TYROBP: variants seen among roughly 807,000 people sequenced by gnomAD.
TYROBP encodes TYRO protein tyrosine kinase-binding protein.
In TYROBP, 14 loss-of-function variants were observed where a neutral mutation model predicts 17.1. The ratio of observed to expected loss-of-function variants is 0.82; its 90% CI spans 0.54 to 1.28. The LOEUF is 1.28. Among genes scored for constraint, TYROBP ranks in the 50% most tolerant of loss-of-function variants. The pLI, the probability that TYROBP is intolerant of heterozygous loss-of-function variation, is 0.00. For missense variants in TYROBP, 161 were observed against 151.4 expected (o/e 1.06, Z -0.33); for synonymous variants, 73 against 67.4 (o/e 1.08, Z -0.41).
In TYROBP at chr19:35,904,485, C is replaced by T. The variant is rs763032963; in HGVS notation, c.*84G>A. On this transcript the variant is annotated 3_prime_UTR_variant, in exon 5 of 5. Transcript: ENST00000262629. Reference sequence around the variant, plus strand: ...GATGGCACTCTGTGGGTCTGTATCGCGGTAGGAGTTGGAATGAGGTGCAGG... The same window carrying T: ...GATGGCACTCTGTGGGTCTGTATCGTGGTAGGAGTTGGAATGAGGTGCAGG... 3.0e-5 allele frequency: 41 copies of T among 1,387,180 alleles called. No individual in the cohort carries two copies. The highest frequency in any genetic ancestry group is 7.4e-5 in the Admixed American group (4 of 54,270). The allele number at this position is 1,387,180 out of a possible 1,614,324, so 85.9% of individuals were successfully genotyped here. A position where few individuals can be genotyped will look rare whatever the true frequency, so the allele number is the denominator to read the frequency against.
Position 35,904,639 on chromosome 19 carries a change from A to C in TYROBP, c.277-5T>G. On this transcript the variant is annotated splice_region_variant and splice_polypyrimidine_tract_variant and intron_variant, in intron 4 of 4. Transcript: ENST00000262629. ...CGACCTCTGACCCTGGAGCTCCTAA[A>C]GGAATGGGGGCCATCAGTGGAAGGG... is the stretch of plus-strand genomic sequence containing the variant. 1 of 1,612,194 alleles carries C rather than the reference A, an allele frequency of 6.2e-7. No individual in the cohort carries two copies. The highest frequency in any genetic ancestry group is 8.5e-7 in the Non-Finnish European group (1 of 1,179,130).
intron 4 of TYROBP, among the ~76,000 whole-genome samples, chr19:35,905,876 C>T (rs1975709728): frequency 6.7e-6 from 1 of 150,288 alleles, no homozygotes; most frequent in African/African-American, 2.5e-5. Flanking sequence ...TCGCTTGAAC[C>T]TGGGAGGTGG....
intron 4 of TYROBP, among the ~76,000 whole-genome samples, chr19:35,906,874 G>A (rs1034201912): frequency 6.6e-6 from 1 of 151,982 alleles, no homozygotes; most frequent in African/African-American, 2.4e-5. Context: ...TTACAGGCAT[G>A]CGTTACCACG....
intron 4 of TYROBP, 60 bp from the exon 5 acceptor site, chr19:35,904,694 A>C: frequency 1.9e-6 from 3 of 1,541,056 alleles, no homozygotes; most frequent in Non-Finnish European, 1.8e-6. Flanking sequence ...GCCTTCTCCC[A>C]GTGGCCTGCA....
intron 4 of TYROBP, 120 bp from the exon 5 acceptor site, chr19:35,904,754 T>G: frequency 1.2e-6 from 1 of 859,664 alleles, no homozygotes; most frequent in Non-Finnish European, 1.9e-6. Flanking sequence ...AGATCCGGAT[T>G]TTATTCAAGT....
At chr19:35,904,702 G>A (rs2089995755) in intron 4 of TYROBP, 68 bp from the exon 5 acceptor site, 1 of 1,443,784 alleles carries the variant, frequency 6.9e-7, no homozygotes, top group Non-Finnish European at 9.6e-7. Flanking sequence ...CCAGTGGCCT[G>A]CAAGGCCCCT....
chr19:35,905,967 A>T (rs1370438779), intron 4 of TYROBP, among the ~76,000 whole-genome samples: 1 of 151,002 alleles, frequency 6.6e-6, no homozygotes, highest in Non-Finnish European at 1.5e-5. Flanking sequence ...AAAAAAAAAA[A>T]TTAAAGTAGA....
At chr19:35,907,332 C>T in intron 3 of TYROBP, 68 bp from the exon 4 acceptor site, 1 of 1,607,974 alleles carries the variant, frequency 6.2e-7, no homozygotes, top group Non-Finnish European at 8.5e-7. Flanking sequence ...TTTTGTCATT[C>T]CAAATCAGCA....
rs767032012 is a variant in TYROBP, at chr19:35,907,451, G to A, written c.224C>T (p.Ala75Val). 4.1e-5 allele frequency: 65 copies of A among 1,604,384 alleles called. No individual in the cohort carries two copies. The highest frequency in any genetic ancestry group is 6.8e-5 in the African/African-American group (5 of 73,840). Residue 75 changes from alanine (A) to valine (V), a missense_variant, in exon 3 of 5, where the codon GCG (alanine) becomes GTG (valine). By Grantham distance (64) the Ala-to-Val change is moderately conservative. Transcript: ENST00000262629. ...CCCCTGCTAGCCCCACTCACCCTCC[G>A]CAGCCCCTCGCCCCCGAGGGACCAG... is the stretch of plus-strand genomic sequence containing the variant. ...GRLVPRGRGA[A>V]EAATRKQRIT...
chr19:35,904,466 A>C lies in TYROBP; in HGVS notation c.*103T>G. ...AGCGGTCTGGTCTCTCAGGGATGGCACTCTGTGGGTCTGTATCGCGGTAGG... is the reference window on the plus strand; with the variant it reads ...AGCGGTCTGGTCTCTCAGGGATGGCCCTCTGTGGGTCTGTATCGCGGTAGG... On this transcript the variant is annotated 3_prime_UTR_variant, in exon 5 of 5. Coordinates refer to ENST00000262629, the MANE Select transcript of TYROBP (RefSeq NM_003332.4). The C allele has an allele frequency of 8.2e-7, 1 of 1,217,780 alleles. No individual in the cohort carries two copies. The highest frequency in any genetic ancestry group is 1.2e-6 in the Non-Finnish European group (1 of 839,060). 75.4% of individuals were successfully genotyped at this position (1,217,780 alleles called of 1,614,324 possible).
At chr19:35,906,498 T>C (rs1975727430) in intron 4 of TYROBP, among the ~76,000 whole-genome samples, 1 of 152,162 alleles carries the variant, frequency 6.6e-6, no homozygotes, top group Non-Finnish European at 1.5e-5. Context: ...TTTCTTAGTT[T>C]CTCAAAGGGA....
At chr19:35,906,355 C>T (rs1297191616) in intron 4 of TYROBP, among the ~76,000 whole-genome samples, 2 of 152,042 alleles carry the variant, frequency 1.3e-5, no homozygotes, top group Non-Finnish European at 2.9e-5. Context: ...TCCCAAAGTG[C>T]TGGGATTACA....
At chr19:35,904,685 C>G (rs749733504) in intron 4 of TYROBP, 51 bp from the exon 5 acceptor site, 1 of 1,575,752 alleles carries the variant, frequency 6.3e-7, no homozygotes, top group South Asian at 1.1e-5. Flanking sequence ...TAAAATCCAG[C>G]CTTCTCCCAG....
At chr19:35,907,694 G>A (rs1975765283) in intron 2 of TYROBP, 36 bp downstream of exon 2, 2 of 1,613,718 alleles carry the variant, frequency 1.2e-6, no homozygotes, top group East Asian at 2.2e-5. Context: ...GAGGTCTCTG[G>A]GAGGTAGAGA....
chr19:35,906,853 A>G (rs1004803489), intron 4 of TYROBP, among the ~76,000 whole-genome samples: 4 of 151,968 alleles, frequency 2.6e-5, no homozygotes, highest in African/African-American at 9.7e-5. Context: ...CAGCCTCCCA[A>G]GTAGCTGGGA....
chr19:35,908,165 C>A lies in TYROBP; in HGVS notation c.61+3G>T. On this transcript the variant is annotated splice_donor_region_variant and intron_variant, in intron 1 of 4. Transcript: ENST00000262629. ...GAGGCAGCCACGGAAGCCCCTAACT[C>A]ACCACTTACAGCCAGCAGGAGAGGC... 1 of 1,613,820 alleles carries A rather than the reference C, an allele frequency of 6.2e-7. No individual in the cohort carries two copies. Among genetic ancestry groups the A allele is most frequent in the South Asian group, 1.1e-5 (1 of 91,044 alleles).
At chr19:35,906,571 G>A (rs1188253528) in intron 4 of TYROBP, among the ~76,000 whole-genome samples, 1 of 152,090 alleles carries the variant, frequency 6.6e-6, no homozygotes, top group East Asian at 1.9e-4. Context: ...TACCAAGGTA[G>A]GGCTGAATGA....
chr19:35,906,700 G>A (rs1975732021), intron 4 of TYROBP, among the ~76,000 whole-genome samples: 1 of 150,988 alleles, frequency 6.6e-6, no homozygotes, highest in Non-Finnish European at 1.5e-5. Context: ...CAAAGGCAAA[G>A]CCACCCTTTT....
chr19:35,904,962 TAAAAAA>T (rs78604543), intron 4 of TYROBP, among the ~76,000 whole-genome samples: 1 of 132,350 alleles, frequency 7.6e-6, no homozygotes, highest in East Asian at 2.2e-4. Context: ...CCAGCCACTG[TAAAAAA>T]AAAAAAAAAA....
Sources: allele counts gnomAD v4.1 joint callset (sites outside exome capture counted in the v4.1 genomes callset), GRCh38; gene constraint gnomAD v4.1.1; transcripts MANE v1.5; gene names NCBI Gene and HGNC (gene_info 2026-07-23, HGNC 2026-07-21).